PCDH1: variants seen among roughly 807,000 people sequenced by gnomAD.
The protein encoded by PCDH1 is protocadherin-1.
PCDH1 carries 23 observed loss-of-function variants against 74.6 expected under a neutral mutation model. That is an observed-to-expected ratio of 0.31 (90% CI 0.22 to 0.44). The LOEUF (loss-of-function observed/expected upper bound fraction) is 0.44. PCDH1 is among the 20% of genes least tolerant of loss of function. PCDH1 has a pLI of 1.00. For synonymous variants in PCDH1, 647 were observed against 686.1 expected, an observed-to-expected ratio of 0.94 and a Z score of 0.89; for missense variants, 1,214 against 1,641.4, an observed-to-expected ratio of 0.74 and a Z score of 4.50.
In PCDH1 at chr5:141,869,817, G is replaced by A; in HGVS notation, c.41-386C>T. 1.0e-6 allele frequency: 1 copy of A among 984,934 alleles called. No homozygotes were observed. The highest frequency in any genetic ancestry group is 1.2e-6 in the Non-Finnish European group (1 of 829,478). 61.0% of individuals were successfully genotyped at this position (984,934 alleles called of 1,614,324 possible). A position where few individuals can be genotyped will look rare whatever the true frequency, so the allele number is the denominator to read the frequency against. On this transcript the variant is annotated intron_variant, in intron 1 of 4. Transcript: ENST00000287008. This position sits in a 1 kb window ranked among gnomAD's most constrained non-coding sequence, Gnocchi z 4.9. The stretch of plus-strand genomic sequence containing the variant: ...TCCTTCTCACGAGCATCCTGCCTTA[G>A]TCACCGATGGTAATTACCTTGATAC...
intron 2 of PCDH1, chr5:141,867,743 C>T (rs571755166): frequency 2.7e-6 from 1 of 371,852 alleles, no homozygotes; most frequent in East Asian, 7.4e-5. Context: ...TCCCTCACAT[C>T]AAAGAGAGAG....
chr5:141,866,066 A>G (rs921865705), intron 2 of PCDH1: 2 of 985,544 alleles, frequency 2.0e-6, no homozygotes, highest in African/African-American at 1.7e-5. Flanking sequence ...ATGAGTAAAG[A>G]CTCACATGCC....
At position 141,863,082 on chromosome 5, in the gene PCDH1, G is replaced by A. The variant is rs1752632388; in HGVS notation, c.3099+150C>T. Reference sequence around the variant, plus strand: ...ATCCGTGTGCCCGGTGAGGCACTAAGGCCCCACCTCCCACTGCTGGCTCAG... The same window carrying A: ...ATCCGTGTGCCCGGTGAGGCACTAAAGCCCCACCTCCCACTGCTGGCTCAG... On this transcript the variant is annotated intron_variant, in intron 3 of 4. Transcript: ENST00000287008. The surrounding 1 kb of genome is among the most constrained non-coding windows in gnomAD (Gnocchi z 7.5). 1 of 1,384,846 alleles carries A rather than the reference G, an allele frequency of 7.2e-7. No individual in the cohort carries two copies. The highest frequency in any genetic ancestry group is 3.1e-5 in the Admixed American group (1 of 32,390). 85.8% of individuals were successfully genotyped at this position (1,384,846 alleles called of 1,614,324 possible).
intron 1 of PCDH1, among the ~76,000 whole-genome samples, chr5:141,873,162 C>T (rs902654433): frequency 5.3e-5 from 8 of 151,930 alleles, no homozygotes; most frequent in South Asian, 2.1e-4. Context: ...AGTCTCACTC[C>T]GTTGCCAGGC....
chr5:141,870,515 A>G (rs1381449081), intron 1 of PCDH1, among the ~76,000 whole-genome samples: 1 of 152,146 alleles, frequency 6.6e-6, no homozygotes, highest in Non-Finnish European at 1.5e-5. Context: ...TAATGACACC[A>G]GCAGCCTTTC....
rs547765465 is a variant in PCDH1 at position 141,875,166 on chromosome 5, C to G, written c.40+3057G>C. ...CCTATAAGGTCTATTACATTAAGGT[C>G]TATTTACATTACATGTAAAGGACAA... On this transcript the variant is annotated intron_variant, in intron 1 of 4. Coordinates refer to ENST00000287008, the MANE Select transcript of PCDH1 (RefSeq NM_032420.5). Among the ~76,000 whole-genome samples the G allele has an allele frequency of 3.9e-5, 6 of 152,266 alleles. No homozygotes were observed. In the East Asian group the frequency reaches 1.2e-3, roughly 29 times the overall value.
At position 141,869,417 on chromosome 5, in the gene PCDH1, C is replaced by T; in HGVS notation, c.55G>A (p.Gly19Arg). 1 of 1,597,630 alleles carries T rather than the reference C, an allele frequency of 6.3e-7. No individual in the cohort carries two copies. Residue 19 changes from glycine (G) to arginine (R), a missense_variant, in exon 2 of 5, where the codon GGG becomes AGG. By Grantham distance (125) the Gly-to-Arg change is moderately radical (BLOSUM62 -2). Transcript: ENST00000287008. This position sits in a 1 kb window ranked among gnomAD's most constrained non-coding sequence, Gnocchi z 4.9. ...RCPEAALLIL[G>R]PPRMEHLRHS... is the part of the protein sequence containing the mutation. Reference sequence around the variant, plus strand: ...CTCAGGTGCTCCATCCTGGGAGGCCCCAGAATCAGGAGGGCTGCAAGGGGA... The same window carrying T: ...CTCAGGTGCTCCATCCTGGGAGGCCTCAGAATCAGGAGGGCTGCAAGGGGA...
chr5:141,864,319 A>AGGCTGGATAGGATGGT lies in PCDH1; in HGVS notation c.1996_2011dup (p.Leu671HisfsTer9), dbSNP rs1249200917. 1 of 1,614,082 alleles carries AGGCTGGATAGGATGGT rather than the reference A, an allele frequency of 6.2e-7. No homozygotes were observed. Among genetic ancestry groups the AGGCTGGATAGGATGGT allele is most frequent in the South Asian group, 1.1e-5 (1 of 91,076 alleles). On this transcript the variant is annotated frameshift_variant, in exon 3 of 5. Transcript: ENST00000287008. LOFTEE classifies it high-confidence loss of function. This position sits in a 1 kb window ranked among gnomAD's most constrained non-coding sequence, Gnocchi z 5.9. ...GCTTTGTTGCTCTCGATCAAAGCTC[A>AGGCTGGATAGGATGGT]GGCTGGATAGGATGGTGCCTGTGCC...
At chr5:141,866,239 C>G in intron 2 of PCDH1, 1 of 985,520 alleles carries the variant, frequency 1.0e-6, no homozygotes, top group Non-Finnish European at 1.2e-6. Context: ...TGGCGAGGCA[C>G]CAATGCGAGG....
Position 141,878,372 on chromosome 5 carries a change from G to A in PCDH1, c.-110C>T, listed in dbSNP as rs1253416002. On this transcript the variant is annotated 5_prime_UTR_variant, in exon 1 of 5. Coordinates refer to ENST00000287008, the MANE Select transcript of PCDH1 (RefSeq NM_032420.5). This position sits in a 1 kb window ranked among gnomAD's most constrained non-coding sequence, Gnocchi z 5.5. Reference sequence around the variant, plus strand: ...TGGCTCTGGGCGCAGCAGCCCGGCGGCTTTGCGTCCGCGCCGCGCTCCCGC... The same window carrying A: ...TGGCTCTGGGCGCAGCAGCCCGGCGACTTTGCGTCCGCGCCGCGCTCCCGC... 6.0e-6 allele frequency: 5 copies of A among 833,270 alleles called. No individual in the cohort carries two copies. Among genetic ancestry groups the A allele is most frequent in the Non-Finnish European group, 6.2e-6 (4 of 648,014 alleles). The allele number at this position is 833,270 out of a possible 1,614,324, so 51.6% of individuals were successfully genotyped here.
intron 1 of PCDH1, among the ~76,000 whole-genome samples, chr5:141,876,810 C>T (rs151196890): frequency 1.1e-4 from 16 of 152,230 alleles, no homozygotes; most frequent in South Asian, 2.1e-4. Context: ...CCCAGGTGTG[C>T]TGGAGACCCA....
chr5:141,877,289 T>C (rs1241697356), intron 1 of PCDH1, among the ~76,000 whole-genome samples: 1 of 152,196 alleles, frequency 6.6e-6, no homozygotes, highest in Non-Finnish European at 1.5e-5. Flanking sequence ...GAGGCGCTGC[T>C]GTAGGTGCCA....
At chr5:141,860,731 T>C (rs1027621134) in intron 3 of PCDH1, among the ~76,000 whole-genome samples, 1 of 152,152 alleles carries the variant, frequency 6.6e-6, no homozygotes, top group Non-Finnish European at 1.5e-5. Context: ...AATATTAAAA[T>C]GACCCATATC....
Position 141,863,517 on chromosome 5 carries a change from C to T in PCDH1, c.2814G>A (p.Lys938=). 1 of 1,613,670 alleles carries T rather than the reference C, an allele frequency of 6.2e-7. No homozygotes were observed. The highest frequency in any genetic ancestry group is 1.1e-5 in the South Asian group (1 of 91,008). The change falls in exon 3 of 5, where the codon AAG becomes AAA. Residue 938 remains lysine, a synonymous_variant. Coordinates refer to ENST00000287008, the MANE Select transcript of PCDH1 (RefSeq NM_032420.5). The surrounding 1 kb of genome is among the most constrained non-coding windows in gnomAD (Gnocchi z 7.5). ...CAGGGGCATCGCTCATCAGGTTGAACTTGAGGGACTTCTGCAGCCCGGCCT... is the reference window on the plus strand; with the variant it reads ...CAGGGGCATCGCTCATCAGGTTGAATTTGAGGGACTTCTGCAGCCCGGCCT... ...EDEAGLQKSL[K]FNLMSDAPGD... is the part of the protein sequence containing the mutation.
rs267600462 is a variant in PCDH1 at position 141,863,791 on chromosome 5, G to A, written c.2540C>T (p.Ser847Phe). 5.6e-6 allele frequency: 9 copies of A among 1,614,048 alleles called. No individual in the cohort carries two copies. The highest frequency in any genetic ancestry group is 1.3e-5 in the African/African-American group (1 of 74,932). Residue 847 changes from serine (S) to phenylalanine (F), a missense_variant, in exon 3 of 5, where the codon TCC (serine) becomes TTC (phenylalanine). This residue lies in a region of PCDH1 where 836 missense variants were observed against 1,182.2 expected (regional missense o/e 0.71). Coordinates refer to ENST00000287008, the MANE Select transcript of PCDH1 (RefSeq NM_032420.5). The surrounding 1 kb of genome is among the most constrained non-coding windows in gnomAD (Gnocchi z 7.5). The part of the protein sequence containing the change: ...DIAGDPEYER[S>F]KQRGNILFGV... ...AAAGAGAATGTTGCCACGCTGCTTGGAGCGCTCATATTCTGGATCCCCAGC... is the reference window on the plus strand; with the variant it reads ...AAAGAGAATGTTGCCACGCTGCTTGAAGCGCTCATATTCTGGATCCCCAGC...
chr5:141,856,395 G>T, intron 4 of PCDH1: 1 of 768,058 alleles, frequency 1.3e-6, no homozygotes, highest in Non-Finnish European at 2.2e-6. Flanking sequence ...AGGGCCCTGT[G>T]CCTGAGGCAG....
Position 141,853,145 on chromosome 5 carries a change from T to C in PCDH1, c.*897A>G, listed in dbSNP as rs1752188756. On this transcript the variant is annotated 3_prime_UTR_variant, in exon 5 of 5. Coordinates refer to ENST00000287008, the MANE Select transcript of PCDH1 (RefSeq NM_032420.5). The stretch of plus-strand genomic sequence containing the variant: ...GAAAAATTAAATAAAAGCCCAGCTC[T>C]GCTGATAGGCAAATGTTACCCCCGT... 6.6e-6 allele frequency: 1 copy of C among 152,244 alleles called. No homozygotes were observed. The highest frequency in any genetic ancestry group is 2.4e-5 in the African/African-American group (1 of 41,446). 9.4% of individuals were successfully genotyped at this position (152,244 alleles called of 1,614,324 possible).
At chr5:141,876,047 C>T (rs200961488) in intron 1 of PCDH1, among the ~76,000 whole-genome samples, 1 of 152,236 alleles carries the variant, frequency 6.6e-6, no homozygotes, top group African/African-American at 2.4e-5. Context: ...CAGTCCGCAC[C>T]GCCTTGGTCA....
In PCDH1 at chr5:141,865,023, A is replaced by G. The variant is rs760070544; in HGVS notation, c.1308T>C (p.Gly436=). 1.2e-6 allele frequency: 2 copies of G among 1,613,890 alleles called. No homozygotes were observed. Among genetic ancestry groups the G allele is most frequent in the Non-Finnish European group, 1.7e-6 (2 of 1,179,962 alleles). The change falls in exon 3 of 5, where the codon GGT becomes GGC. Residue 436 remains glycine, a synonymous_variant. Coordinates refer to ENST00000287008, the MANE Select transcript of PCDH1 (RefSeq NM_032420.5). This position sits in a 1 kb window ranked among gnomAD's most constrained non-coding sequence, Gnocchi z 4.4. ...CCTGGCGCAGCTGGAAGGGCACATC[A>G]CCTGCCACCACACAGGTGACAGCTG... ...ENAAVTCVVA[G]DVPFQLRQAS... is the part of the protein sequence containing the mutation.
Sources: gnomAD v4.1 joint callset for allele counts (sites outside exome capture counted in the v4.1 genomes callset) on GRCh38, gnomAD v4.1.1 for gene constraint, gnomAD v4.1.1 regional missense constraint, Gnocchi (gnomAD v3.1) non-coding constraint, MANE v1.5 for transcripts, NCBI Gene and HGNC (gene_info 2026-07-23, HGNC 2026-07-21) for gene names.